Variants in MUC6 observed in about 807,000 individuals in gnomAD.
MUC6 encodes the protein mucin 6, oligomeric mucus/gel-forming (gene/pseudogene), also known as mucin-6.
In MUC6, 188 loss-of-function variants were observed where a neutral mutation model predicts 201.5. That is an observed-to-expected ratio of 0.93 (90% CI 0.83 to 1.05). MUC6 has a LOEUF of 1.05. MUC6 is among the 50% of genes least tolerant of loss of function. MUC6 has a pLI of 0.00. For missense variants in MUC6, 2,706 were observed against 3,256.9 expected, an observed-to-expected ratio of 0.83 and a Z score of 4.12; for synonymous variants, 1,228 against 1,389.4, an observed-to-expected ratio of 0.88 and a Z score of 2.58.
At position 1,027,925 on chromosome 11, in the gene MUC6, C is replaced by T. The variant is rs924909174; in HGVS notation, c.1848+40G>A. On this transcript the variant is annotated intron_variant, in intron 15 of 32. Transcript: ENST00000421673. ...CCTGAGACCTTGTCAGCCACCACAG[C>T]CTCCCCTGCAGCCCTCCCAAGACGC... 3.2e-6 allele frequency: 5 copies of T among 1,561,182 alleles called. No homozygotes were observed. The East Asian group carries it at 1.2e-4, about 37-fold the overall frequency.
At position 1,023,594 on chromosome 11, in the gene MUC6, G is replaced by T; in HGVS notation, c.3441C>A (p.Tyr1147Ter). The T allele has an allele frequency of 6.2e-7, 1 of 1,613,170 alleles. No individual in the cohort carries two copies. The highest frequency in any genetic ancestry group is 1.7e-5 in the Admixed American group (1 of 59,976). ...HTQDGHGEYQ[Y>*]TQEANCTWHY... ...GCCACGTGCAGTTGGCCTCCTGTGT[G>T]TACTGGTACTCGCCATGGCCGTCCT... The change falls in exon 26 of 33, where the codon TAC becomes TAA. Residue 1147 changes from tyrosine to a stop codon, truncating the protein, a stop_gained. Coordinates refer to ENST00000421673, the MANE Select transcript of MUC6 (RefSeq NM_005961.3). LOFTEE classifies it high-confidence loss of function.
rs568463214 is a variant in MUC6 at position 1,023,388 on chromosome 11, G to A, written c.3526+121C>T. ...AATGAATGTGTGCAAATTAATGAAT[G>A]TGTGAATTAATGAGCATGAATGAAT... On this transcript the variant is annotated intron_variant, in intron 26 of 32. Coordinates refer to ENST00000421673, the MANE Select transcript of MUC6 (RefSeq NM_005961.3). 204 of 1,241,144 alleles carry A rather than the reference G, an allele frequency of 1.6e-4. 2 individuals carry two copies. In the Admixed American group the frequency reaches 4.0e-3, roughly 25 times the overall value. 76.9% of individuals were successfully genotyped at this position (1,241,144 alleles called of 1,614,324 possible). A position where few individuals can be genotyped will look rare whatever the true frequency, so the allele number is the denominator to read the frequency against.
Position 1,031,938 on chromosome 11 carries a change from G to T in MUC6, c.231C>A (p.Asp77Glu). Residue 77 changes from aspartate (D) to glutamate (E), a missense_variant, in exon 3 of 33, where the codon GAC (aspartate) becomes GAA (glutamate). Physicochemically the swap from Asp to Glu is conservative, Grantham distance 45. This residue lies in a region of MUC6 where 1,850 missense variants were observed against 1,958.3 expected (regional missense o/e 0.94). Transcript: ENST00000421673. ...CNYIFAATCK[D>E]AFPTFSVQLR... ...GCTGGACACTGAAGGTGGGGAAGGC[G>T]TCCTTGCAGGTGGCCGCGAAGATGT... 1 of 1,613,518 alleles carries T rather than the reference G, an allele frequency of 6.2e-7. No individual in the cohort carries two copies. The highest frequency in any genetic ancestry group is 8.5e-7 in the Non-Finnish European group (1 of 1,179,886).
In MUC6 at chr11:1,028,954, A is replaced by G. The variant is rs1857032545; in HGVS notation, c.1388T>C (p.Ile463Thr). 2.5e-6 allele frequency: 4 copies of G among 1,613,024 alleles called. No homozygotes were observed. The highest frequency in any genetic ancestry group is 2.7e-5 in the African/African-American group (2 of 74,926). The change falls in exon 12 of 33, where the codon ATT becomes ACT. Residue 463 changes from isoleucine (I) to threonine (T), a missense_variant. Physicochemically the swap from Ile to Thr is moderately conservative, Grantham distance 89. Around this residue, in one of 10 missense-constraint regions of MUC6, gnomAD observed 1,850 missense variants for 1,958.3 expected, o/e 0.94. Coordinates refer to ENST00000421673, the MANE Select transcript of MUC6 (RefSeq NM_005961.3). ...AVVYLSRQDKIVISQDEVVTN... is the reference protein window; with the variant it reads ...AVVYLSRQDKTVISQDEVVTN... ...GACCACCTCGTCCTGAGAGATCACA[A>G]TTTTGTCCTGGAGAGAGGGTGGCCT...
chr11:1,018,741 T>C lies in MUC6; in HGVS notation c.4060A>G (p.Thr1354Ala), dbSNP rs1348408835. Reference protein sequence around the residue: ...PKSTNQELPGTTATQTTGPRP... With the variant: ...PKSTNQELPGATATQTTGPRP... ...GGGCCTGTCGTCTGGGTGGCCGTTGTTCCTGGCAGTTCCTGATTGGTCGAT... is the reference window on the plus strand; with the variant it reads ...GGGCCTGTCGTCTGGGTGGCCGTTGCTCCTGGCAGTTCCTGATTGGTCGAT... Residue 1354 changes from threonine (T) to alanine (A), a missense_variant, in exon 31 of 33, where the codon ACA (threonine) becomes GCA (alanine). By Grantham distance (58) the Thr-to-Ala change is moderately conservative. Around this residue, in one of 10 missense-constraint regions of MUC6, gnomAD observed 1,850 missense variants for 1,958.3 expected, o/e 0.94. Transcript: ENST00000421673. The C allele has an allele frequency of 1.3e-6, 2 of 1,572,476 alleles. No individual in the cohort carries two copies.
intron 31 of MUC6, among the ~76,000 whole-genome samples, chr11:1,014,342 T>C (rs1193418392): frequency 6.6e-6 from 1 of 152,168 alleles, no homozygotes; most frequent in Non-Finnish European, 1.5e-5. Flanking sequence ...AACACTGACC[T>C]GTGGGCATGG....
At chr11:1,024,705 C>G (rs1007682141) in intron 24 of MUC6, 139 bp downstream of exon 24, 15 of 1,366,394 alleles carry the variant, frequency 1.1e-5, no homozygotes, top group African/African-American at 8.7e-5. Context: ...GGCAGAGGGT[C>G]TGAAACTCTC....
At position 1,028,317 on chromosome 11, in the gene MUC6, G is replaced by A. The variant is rs1270575367; in HGVS notation, c.1662C>T (p.Thr554=). Residue 554 remains threonine, a synonymous_variant, in exon 14 of 33, where the codon ACC becomes ACT. Transcript: ENST00000421673. ...FTTSMGIAEG[T]ASLFVDSWRA... ...GCCAGGAGTCCACAAACAGCGAGGCGGTGCCCTCGGCGATACCCATGCTAG... is the reference window on the plus strand; with the variant it reads ...GCCAGGAGTCCACAAACAGCGAGGCAGTGCCCTCGGCGATACCCATGCTAG... 2.5e-6 allele frequency: 4 copies of A among 1,612,074 alleles called. No homozygotes were observed. The highest frequency in any genetic ancestry group is 3.4e-6 in the Non-Finnish European group (4 of 1,179,710).
chr11:1,034,968 T>C (rs559414510), intron 1 of MUC6, among the ~76,000 whole-genome samples: 7 of 152,324 alleles, frequency 4.6e-5, no homozygotes, highest in African/African-American at 1.4e-4. Flanking sequence ...GTGCTTCCCC[T>C]CGGCTGATCC....
rs375817125 is a variant in MUC6, at chr11:1,033,043, G to T, written c.85C>A (p.Leu29Ile). ...LANTSYTSPG[L>I]QRLKDSPQTA... ...TGTGGAGAGTCCTTCAGCCTCTGGA[G>T]GCCTGGGCTGGTGTAGGAGGTGTTA... is the stretch of plus-strand genomic sequence containing the variant. Residue 29 changes from leucine to isoleucine, a missense_variant, in exon 2 of 33, where the codon CTC becomes ATC. This residue lies in a region of MUC6 where 1,850 missense variants were observed against 1,958.3 expected (regional missense o/e 0.94). Coordinates refer to ENST00000421673, the MANE Select transcript of MUC6 (RefSeq NM_005961.3). This position sits in a 1 kb window ranked among gnomAD's most constrained non-coding sequence, Gnocchi z 5.6. The T allele has an allele frequency of 6.2e-7, 1 of 1,609,250 alleles. No individual in the cohort carries two copies. The highest frequency in any genetic ancestry group is 8.5e-7 in the Non-Finnish European group (1 of 1,176,180).
chr11:1,030,944 T>C lies in MUC6; in HGVS notation c.684+3A>G. 6.4e-7 allele frequency: 1 copy of C among 1,566,346 alleles called. No individual in the cohort carries two copies. The highest frequency in any genetic ancestry group is 8.7e-7 in the Non-Finnish European group (1 of 1,156,036). On this transcript the variant is annotated splice_donor_region_variant and intron_variant, in intron 6 of 32. Coordinates refer to ENST00000421673, the MANE Select transcript of MUC6 (RefSeq NM_005961.3). ...CAGCCCCACCTGGAGCCCCCTTGCT[T>C]ACGTGCTGGGCCTGCCGGACGTGGG...
At position 1,023,982 on chromosome 11, in the gene MUC6, C is replaced by G; in HGVS notation, c.3347G>C (p.Gly1116Ala). 9.9e-6 allele frequency: 16 copies of G among 1,612,838 alleles called. No homozygotes were observed. Among genetic ancestry groups the G allele is most frequent in the Non-Finnish European group, 1.2e-5 (14 of 1,179,698 alleles). The change falls in exon 25 of 33, where the codon GGT becomes GCT. Residue 1116 changes from glycine (G) to alanine (A), a missense_variant. Gly to Ala is a moderately conservative substitution (Grantham distance 60). Coordinates refer to ENST00000421673, the MANE Select transcript of MUC6 (RefSeq NM_005961.3). ...CGGGGTCCTCCAGTCCACGCACACACCCTTGTCCAGACAGGCTTGGGCGTA... is the reference window on the plus strand; with the variant it reads ...CGGGGTCCTCCAGTCCACGCACACAGCCTTGTCCAGACAGGCTTGGGCGTA... ...AAYAQACLDKGVCVDWRTPAF... is the reference protein window; with the variant it reads ...AAYAQACLDKAVCVDWRTPAF...
Position 1,029,113 on chromosome 11 carries a change from A to G in MUC6, c.1313T>C (p.Val438Ala), listed in dbSNP as rs1857037893. Residue 438 changes from valine (V) to alanine (A), a missense_variant, in exon 11 of 33, where the codon GTG (valine) becomes GCG (alanine). Val to Ala is a moderately conservative substitution (Grantham distance 64, BLOSUM62 0). Around this residue, in one of 10 missense-constraint regions of MUC6, gnomAD observed 1,850 missense variants for 1,958.3 expected, o/e 0.94. Coordinates refer to ENST00000421673, the MANE Select transcript of MUC6 (RefSeq NM_005961.3). The part of the protein sequence containing the change: ...QLPEDGALMA[V>A]YDKSGVSHSE... Reference sequence around the variant, plus strand: ...GTGTGAGACGCCGGACTTGTCGTACACAGCCATGAGGGCACCGTCCTCGGG... The same window carrying G: ...GTGTGAGACGCCGGACTTGTCGTACGCAGCCATGAGGGCACCGTCCTCGGG... The G allele has an allele frequency of 6.2e-7, 1 of 1,612,556 alleles. No individual in the cohort carries two copies. Among genetic ancestry groups the G allele is most frequent in the East Asian group, 2.2e-5 (1 of 44,846 alleles).
intron 26 of MUC6, among the ~76,000 whole-genome samples, chr11:1,023,248 A>G (rs769921052): frequency 6.6e-6 from 1 of 151,162 alleles, no homozygotes; most frequent in Non-Finnish European, 1.5e-5. Flanking sequence ...GAATGTGTGA[A>G]TGAATGTGCA....
At position 1,027,708 on chromosome 11, in the gene MUC6, C is replaced by T; in HGVS notation, c.1958G>A (p.Trp653Ter). Reference protein sequence around the residue: ...CSLRGVLLWGWRSSVDNCTIP... With the variant: ...CSLRGVLLWG ...ACTGCAGTTGTCCACACTGCTTCTC[C>T]AGCCCCAGAGCAGGACGCCCCGCAA... Residue 653 changes from tryptophan (W) to a stop codon, truncating the protein, a stop_gained, in exon 16 of 33, where the codon TGG becomes TAG. Transcript: ENST00000421673. LOFTEE classifies it high-confidence loss of function. 1 of 1,603,980 alleles carries T rather than the reference C, an allele frequency of 6.2e-7. No homozygotes were observed. Among genetic ancestry groups the T allele is most frequent in the Non-Finnish European group, 8.5e-7 (1 of 1,176,020 alleles).
In MUC6 at chr11:1,013,177, G is replaced by T. The variant is rs1339932373; in HGVS notation, c.*279C>A. The T allele has an allele frequency of 2.0e-6, 1 of 503,268 alleles. No homozygotes were observed. Among genetic ancestry groups the T allele is most frequent in the Non-Finnish European group, 3.5e-6 (1 of 286,146 alleles). 31.2% of individuals were successfully genotyped at this position (503,268 alleles called of 1,614,324 possible). On this transcript the variant is annotated 3_prime_UTR_variant, in exon 33 of 33. Coordinates refer to ENST00000421673, the MANE Select transcript of MUC6 (RefSeq NM_005961.3). ...TGGGAGGTGTTGGACGGTGGGCAGGGGTGGTCGGGAGTGCCCTGTGTGCCT... is the reference window on the plus strand; with the variant it reads ...TGGGAGGTGTTGGACGGTGGGCAGGTGTGGTCGGGAGTGCCCTGTGTGCCT...
Position 1,026,940 on chromosome 11 carries a change from C to T in MUC6, c.2394+1G>A, listed in dbSNP as rs765071909. 1.0e-5 allele frequency: 16 copies of T among 1,579,776 alleles called. No homozygotes were observed. The highest frequency in any genetic ancestry group is 3.6e-5 in the Admixed American group (2 of 54,908). On this transcript the variant is annotated splice_donor_variant, in intron 19 of 32. Transcript: ENST00000421673. LOFTEE classifies it high-confidence loss of function. The stretch of plus-strand genomic sequence containing the variant: ...TCCCTGCTCCTCGCGCGCCCCCTTA[C>T]GCAGGCAACACCGGTGGCCAGCATC...
At chr11:1,020,757 C>T (rs752688693) in intron 27 of MUC6, 23 bp from the exon 28 acceptor site, 22 of 1,610,612 alleles carry the variant, frequency 1.4e-5, no homozygotes, top group Non-Finnish European at 1.6e-5. Flanking sequence ...GGGGTCAGCT[C>T]CCTGTGGTTC....
In MUC6 at chr11:1,019,387, G is replaced by C; in HGVS notation, c.3918C>G (p.Thr1306=). 6.2e-7 allele frequency: 1 copy of C among 1,613,758 alleles called. No individual in the cohort carries two copies. ...ATKPTVTQAT[T]RATASTASPA... Reference sequence around the variant, plus strand: ...GGCTGGCGGTCGACGCCGTGGCCCTGGTTGTGGCCTGGGTCACTGTGGGTT... The same window carrying C: ...GGCTGGCGGTCGACGCCGTGGCCCTCGTTGTGGCCTGGGTCACTGTGGGTT... Residue 1306 remains threonine, a synonymous_variant, in exon 30 of 33, where the codon ACC becomes ACG. Transcript: ENST00000421673.
Sources: gnomAD v4.1 joint callset for allele counts (sites outside exome capture counted in the v4.1 genomes callset) on GRCh38, gnomAD v4.1.1 for gene constraint, gnomAD v4.1.1 regional missense constraint, Gnocchi (gnomAD v3.1) non-coding constraint, MANE v1.5 for transcripts, NCBI Gene and HGNC (gene_info 2026-07-23, HGNC 2026-07-21) for gene names.